Variants in MEAK7 observed in about 807,000 individuals in gnomAD.
MEAK7 encodes the protein MTOR associated protein MEAK7, also known as MTOR-associated protein MEAK7.
MEAK7 carries 68 observed loss-of-function variants against 40.5 expected under a neutral mutation model. That is an observed-to-expected ratio of 1.68 (90% CI 1.38 to 2.06). MEAK7 has a LOEUF of 2.06. Ranked by LOEUF, MEAK7 falls within the 30% of genes most tolerant of loss-of-function variation. The pLI is 0.00. For missense variants in MEAK7, 918 were observed against 580.5 expected, an observed-to-expected ratio of 1.58 and a Z score of -5.98; for synonymous variants, 338 against 231.9, an observed-to-expected ratio of 1.46 and a Z score of -4.16.
Position 84,478,462 on chromosome 16 carries a change from T to G in MEAK7, c.*1451A>C, listed in dbSNP as rs1912226832. ...GCGAACAGCTCGATTTACTATGGCT[T>G]ATAATCAAGGCAAACTATACAATAA... On this transcript the variant is annotated 3_prime_UTR_variant, in exon 8 of 8. Coordinates refer to ENST00000343629, the MANE Select transcript of MEAK7 (RefSeq NM_020947.4). 6.6e-6 allele frequency: 1 copy of G among 152,244 alleles called. No individual in the cohort carries two copies. The highest frequency in any genetic ancestry group is 1.5e-5 in the Non-Finnish European group (1 of 68,046). 9.4% of individuals were successfully genotyped at this position (152,244 alleles called of 1,614,324 possible).
At chr16:84,482,277 T>TG (rs1912627309) in intron 6 of MEAK7, among the ~76,000 whole-genome samples, 1 of 152,202 alleles carries the variant, frequency 6.6e-6, no homozygotes, top group African/African-American at 2.4e-5. Context: ...GGGACAGGTC[T>TG]GGCGCTGACA....
rs1912324017 is a variant in MEAK7 at position 84,479,525 on chromosome 16, TAATGCCAGCGGAATTCC to T, written c.*371_*387del. The T allele has an allele frequency of 6.7e-6, 1 of 148,814 alleles. No individual in the cohort carries two copies. 9.2% of individuals were successfully genotyped at this position (148,814 alleles called of 1,614,324 possible). ...ATTCCCTAATGCCAGCGGAATTCCC[TAATGCCAGCGGAATTCC>T]CTAATGCCAGCGGAATTCCCTAATG... On this transcript the variant is annotated 3_prime_UTR_variant, in exon 8 of 8. Coordinates refer to ENST00000343629, the MANE Select transcript of MEAK7 (RefSeq NM_020947.4).
chr16:84,482,926 G>T (rs1912706803), intron 5 of MEAK7, among the ~76,000 whole-genome samples: 1 of 152,196 alleles, frequency 6.6e-6, no homozygotes, highest in Non-Finnish European at 1.5e-5. Flanking sequence ...AATAAGGAAT[G>T]GGACATCTTT....
At chr16:84,490,420 G>C (rs559830107) in intron 3 of MEAK7, among the ~76,000 whole-genome samples, 6 of 146,804 alleles carry the variant, frequency 4.1e-5, no homozygotes, top group Non-Finnish European at 8.9e-5. Context: ...CACTCTCGCT[G>C]GGCGGCTAAG....
At position 84,501,293 on chromosome 16, in the gene MEAK7, G is replaced by A. The variant is rs147376757; in HGVS notation, c.-25-3182C>T. On this transcript the variant is annotated intron_variant, in intron 1 of 7. Transcript: ENST00000343629. The stretch of plus-strand genomic sequence containing the variant: ...GCACGCACGGGGCATAAGCAAGAGC[G>A]TTGGGATCAGCGAGGCAAGGGTGGA... Among the ~76,000 whole-genome samples the A allele has an allele frequency of 3.1e-3, 466 of 152,122 alleles. 5 individuals are homozygous for A. The highest frequency in any genetic ancestry group is 0.01 in the African/African-American group (435 of 41,488).
At position 84,496,021 on chromosome 16, in the gene MEAK7, T is replaced by C. The variant is rs1397480705; in HGVS notation, c.154-108A>G. On this transcript the variant is annotated intron_variant, in intron 2 of 7. Transcript: ENST00000343629. ...GAGAGGAAAAGGGGTCCTTGGGAAG[T>C]TTTCGTTTTTTAAAGCATCTCTGAA... is the stretch of plus-strand genomic sequence containing the variant. 11 of 1,247,532 alleles carry C rather than the reference T, an allele frequency of 8.8e-6. No individual in the cohort carries two copies. In the East Asian group the frequency reaches 1.5e-4, roughly 17 times the overall value. The allele number at this position is 1,247,532 out of a possible 1,614,324, so 77.3% of individuals were successfully genotyped here. A position where few individuals can be genotyped will look rare whatever the true frequency, so the allele number is the denominator to read the frequency against.
In MEAK7 at chr16:84,480,634, C is replaced by A. The variant is rs777255668; in HGVS notation, c.1152G>T (p.Lys384Asn). The change falls in exon 7 of 8, where the codon AAG (lysine) becomes AAT (asparagine). Residue 384 changes from lysine (K) to asparagine (N), a missense_variant. By Grantham distance (94) the Lys-to-Asn change is moderately conservative. Coordinates refer to ENST00000343629, the MANE Select transcript of MEAK7 (RefSeq NM_020947.4). Reference sequence around the variant, plus strand: ...GGCTGTTGTACGTGGTGCACGTGGGCTTGGCTCTGCTGTGTCCTTTCCCAA... The same window carrying A: ...GGCTGTTGTACGTGGTGCACGTGGGATTGGCTCTGCTGTGTCCTTTCCCAA... The part of the protein sequence containing the change: ...VDFGKGHSRA[K>N]PTCTTYNSPQ... 1.2e-6 allele frequency: 2 copies of A among 1,613,972 alleles called. No individual in the cohort carries two copies. Among genetic ancestry groups the A allele is most frequent in the African/African-American group, 1.3e-5 (1 of 74,910 alleles).
chr16:84,493,502 T>C (rs1217948383), intron 3 of MEAK7, among the ~76,000 whole-genome samples: 1 of 152,230 alleles, frequency 6.6e-6, no homozygotes, highest in Non-Finnish European at 1.5e-5. Context: ...AATAATCTTT[T>C]ATGACATTTT....
chr16:84,495,638 C>G lies in MEAK7; in HGVS notation c.384+45G>C, dbSNP rs773262989. 5 of 1,596,308 alleles carry G rather than the reference C, an allele frequency of 3.1e-6. No homozygotes were observed. The African/African-American group carries it at 6.7e-5, about 21-fold the overall frequency. On this transcript the variant is annotated intron_variant, in intron 3 of 7. Coordinates refer to ENST00000343629, the MANE Select transcript of MEAK7 (RefSeq NM_020947.4). Reference sequence around the variant, plus strand: ...GCCTCCATCCCCCCACCGATGGTCACCAAGACTGCTGAGGAGGCTGCAAAG... The same window carrying G: ...GCCTCCATCCCCCCACCGATGGTCAGCAAGACTGCTGAGGAGGCTGCAAAG...
chr16:84,479,937 G>T lies in MEAK7; in HGVS notation c.1347C>A (p.Leu449=), dbSNP rs775399484. Residue 449 remains leucine, a synonymous_variant, in exon 8 of 8, where the codon CTC becomes CTA. Transcript: ENST00000343629. ...CTCATTCATCGTCCGGGACTTCCCG[G>T]AGCCCTTCGCTGTGGCGCGAATGCC... ...ISGHSRHSEG[L]REVPDDE The T allele has an allele frequency of 1.9e-6, 3 of 1,609,344 alleles. No homozygotes were observed. In the East Asian group the frequency reaches 6.7e-5, roughly 36 times the overall value.
At position 84,497,187 on chromosome 16, in the gene MEAK7, G is replaced by A. The variant is rs79686403; in HGVS notation, c.153+747C>T. On this transcript the variant is annotated intron_variant, in intron 2 of 7. Coordinates refer to ENST00000343629, the MANE Select transcript of MEAK7 (RefSeq NM_020947.4). ...TCCCATGCTGCACATTCTAGAAGAG[G>A]GAGGAGGCTGCTAGGATGGCTGCCT... 4.5e-3 allele frequency: 1,497 copies of A among 331,416 alleles called. 33 individuals are homozygous for A. Among genetic ancestry groups the A allele is most frequent in the African/African-American group, 0.031 (1,419 of 46,356 alleles). The allele number at this position is 331,416 out of a possible 1,614,324, so 20.5% of individuals were successfully genotyped here. A position where few individuals can be genotyped will look rare whatever the true frequency, so the allele number is the denominator to read the frequency against.
Position 84,476,421 on chromosome 16 carries a change from T to C in MEAK7, c.*3492A>G, listed in dbSNP as rs1419262996. 2.0e-5 allele frequency: 3 copies of C among 152,192 alleles called. No homozygotes were observed. Among genetic ancestry groups the C allele is most frequent in the South Asian group, 4.1e-4 (2 of 4,828 alleles). The allele number at this position is 152,192 out of a possible 1,614,324, so 9.4% of individuals were successfully genotyped here. ...CATGGCAAACAGGCACCCCGGTATATTGAGTATAAATTGAGCTCAAGAGGT... is the reference window on the plus strand; with the variant it reads ...CATGGCAAACAGGCACCCCGGTATACTGAGTATAAATTGAGCTCAAGAGGT... On this transcript the variant is annotated 3_prime_UTR_variant, in exon 8 of 8. Coordinates refer to ENST00000343629, the MANE Select transcript of MEAK7 (RefSeq NM_020947.4).
chr16:84,485,337 T>A (rs954953598), intron 5 of MEAK7, among the ~76,000 whole-genome samples: 4 of 152,170 alleles, frequency 2.6e-5, no homozygotes, highest in Non-Finnish European at 5.9e-5. Context: ...CTAGAAACAA[T>A]GCAATCTAGG....
At position 84,476,806 on chromosome 16, in the gene MEAK7, G is replaced by C. The variant is rs1225613564; in HGVS notation, c.*3107C>G. ...GAGTGATTTTTGCATCAGTGCCTTT[G>C]CCTGTCAGGAGGGAAAATAGCTGGA... On this transcript the variant is annotated 3_prime_UTR_variant, in exon 8 of 8. Transcript: ENST00000343629. The C allele has an allele frequency of 6.6e-6, 1 of 152,240 alleles. No individual in the cohort carries two copies. Among genetic ancestry groups the C allele is most frequent in the African/African-American group, 2.4e-5 (1 of 41,452 alleles). 9.4% of individuals were successfully genotyped at this position (152,240 alleles called of 1,614,324 possible). A position where few individuals can be genotyped will look rare whatever the true frequency, so the allele number is the denominator to read the frequency against.
chr16:84,495,888 G>T lies in MEAK7; in HGVS notation c.179C>A (p.Pro60Gln), dbSNP rs376006447. ...LQNHVGEALP[P>Q]EMVTRLYDGM... ...ATCATACAGCCTGGTGACCATCTCT[G>T]GGGGAAGAGCTTCCCCGACGTGGTT... is the stretch of plus-strand genomic sequence containing the variant. Residue 60 changes from proline (P) to glutamine (Q), a missense_variant, in exon 3 of 8, where the codon CCA becomes CAA. Transcript: ENST00000343629. The T allele has an allele frequency of 6.2e-7, 1 of 1,614,004 alleles. No individual in the cohort carries two copies. The highest frequency in any genetic ancestry group is 8.5e-7 in the Non-Finnish European group (1 of 1,180,028).
At chr16:84,490,653 GATGTGT>G (rs1428523379) in intron 3 of MEAK7, among the ~76,000 whole-genome samples, 94 of 104,502 alleles carry the variant, frequency 9.0e-4, no homozygotes, top group Middle Eastern at 9.9e-3. Flanking sequence ...AGCTAATCAA[GATGTGT>G]GTGTGTGTGT....
At chr16:84,487,187 G>A (rs977112954) in intron 4 of MEAK7, 128 bp from the exon 5 acceptor site, 32 of 876,302 alleles carry the variant, frequency 3.7e-5, no homozygotes, top group African/African-American at 3.5e-4. Context: ...AACAGGGCTC[G>A]TGTGAATTGA....
rs1376247626 is a variant in MEAK7 at position 84,479,662 on chromosome 16, T to C, written c.*251A>G. 1 of 364,904 alleles carries C rather than the reference T, an allele frequency of 2.7e-6. No homozygotes were observed. Among genetic ancestry groups the C allele is most frequent in the African/African-American group, 2.1e-5 (1 of 47,996 alleles). 22.6% of individuals were successfully genotyped at this position (364,904 alleles called of 1,614,324 possible). A position where few individuals can be genotyped will look rare whatever the true frequency, so the allele number is the denominator to read the frequency against. On this transcript the variant is annotated 3_prime_UTR_variant, in exon 8 of 8. Transcript: ENST00000343629. ...AGTTACTAATTTGACACAAGATTTC[T>C]TGGAGAGATCCTGAGGGTGACCCTG...
At chr16:84,503,845 C>A in intron 1 of MEAK7, 1 of 814,078 alleles carries the variant, frequency 1.2e-6, no homozygotes, top group Non-Finnish European at 1.5e-6. Context: ...ACCTCCTGCT[C>A]AGAGCTTCTC....
Sources: gnomAD v4.1 joint callset for allele counts (sites outside exome capture counted in the v4.1 genomes callset) on GRCh38, gnomAD v4.1.1 for gene constraint, MANE v1.5 for transcripts, NCBI Gene and HGNC (gene_info 2026-07-23, HGNC 2026-07-21) for gene names.